LRFN5: variants seen among roughly 807,000 people sequenced by gnomAD.
LRFN5 encodes the protein leucine rich repeat and fibronectin type III domain containing 5.
Under a neutral mutation model 45.6 loss-of-function variants are expected in LRFN5, and 24 were observed. The ratio of observed to expected loss-of-function variants is 0.53; its 90% CI spans 0.38 to 0.74. The LOEUF (loss-of-function observed/expected upper bound fraction) is 0.74. LRFN5 is among the 30% of genes least tolerant of loss of function. The pLI is 0.00. For synonymous variants in LRFN5, 340 were observed against 313.8 expected, an observed-to-expected ratio of 1.08 and a Z score of -0.88; for missense variants, 776 against 861.5, an observed-to-expected ratio of 0.90 and a Z score of 1.24.
intron 1 of LRFN5, among the ~76,000 whole-genome samples, chr14:41,739,674 T>C (rs1199237374): frequency 6.7e-6 from 1 of 149,218 alleles, no homozygotes; most frequent in African/African-American, 2.5e-5. Context: ...AAAAACAAAC[T>C]AAGCACAAAC....
At chr14:41,869,865 G>C (rs940080508) in intron 2 of LRFN5, among the ~76,000 whole-genome samples, 15 of 152,066 alleles carry the variant, frequency 9.9e-5, no homozygotes, top group African/African-American at 3.6e-4. Flanking sequence ...GGGAATTGTG[G>C]GAGCTACAAT....
At chr14:41,671,290 T>C (rs529562278) in intron 1 of LRFN5, among the ~76,000 whole-genome samples, 2 of 152,230 alleles carry the variant, frequency 1.3e-5, no homozygotes, top group East Asian at 3.9e-4. Flanking sequence ...ATAATGTCAA[T>C]TGCAAACTAA....
Position 41,800,566 on chromosome 14 carries a change from CA to C in LRFN5, c.-21+33543del, listed in dbSNP as rs1399736315. ...CATTATTAGACAGTAGAGATATAGG[CA>C]AAAAACTCATTACTACTTTATTTAA... On this transcript the variant is annotated intron_variant, in intron 2 of 5. Transcript: ENST00000298119. Among the ~76,000 whole-genome samples, 8 of 151,290 alleles carry C rather than the reference CA, an allele frequency of 5.3e-5. No individual in the cohort carries two copies. The East Asian group carries it at 1.6e-3, about 29-fold the overall frequency.
chr14:41,792,519 A>AC, intron 2 of LRFN5, among the ~76,000 whole-genome samples: 2 of 151,260 alleles, frequency 1.3e-5, no homozygotes, highest in South Asian at 4.2e-4. Flanking sequence ...TTTATAGACC[A>AC]CCCCCCAGGA....
intron 1 of LRFN5, among the ~76,000 whole-genome samples, chr14:41,660,194 T>G (rs1880580712): frequency 6.6e-6 from 1 of 151,894 alleles, no homozygotes; most frequent in African/African-American, 2.4e-5. Flanking sequence ...CCCAGATAAT[T>G]TTTGTATTTT....
intron 2 of LRFN5, among the ~76,000 whole-genome samples, chr14:41,828,800 C>G (rs1351334748): frequency 6.6e-6 from 1 of 151,918 alleles, no homozygotes; most frequent in Non-Finnish European, 1.5e-5. Context: ...AAATTAACTA[C>G]TAGATCATTT....
At chr14:41,891,126 A>G (rs192388279) in intron 3 of LRFN5, 124 bp from the exon 4 acceptor site, 1 of 773,932 alleles carries the variant, frequency 1.3e-6, no homozygotes, top group Non-Finnish European at 2.1e-6. Flanking sequence ...TCATTTTTCA[A>G]TAATTCATAT....
At chr14:41,707,957 C>T (rs1883134531) in intron 1 of LRFN5, among the ~76,000 whole-genome samples, 1 of 151,996 alleles carries the variant, frequency 6.6e-6, no homozygotes, top group African/African-American at 2.4e-5. Context: ...TAAATACCTG[C>T]TAATGTCTAA....
intron 1 of LRFN5, among the ~76,000 whole-genome samples, chr14:41,712,105 C>T (rs760468134): frequency 2.0e-5 from 3 of 152,138 alleles, no homozygotes; most frequent in East Asian, 1.9e-4. Flanking sequence ...GAGGTAATAT[C>T]GGGGAATATG....
Position 41,608,254 on chromosome 14 carries a change from T to C in LRFN5, c.-505T>C, listed in dbSNP as rs1594543533. On this transcript the variant is annotated 5_prime_UTR_variant, in exon 1 of 6. Coordinates refer to ENST00000298119, the MANE Select transcript of LRFN5 (RefSeq NM_152447.5). Reference sequence around the variant, plus strand: ...GCGCCCGGGTGCGAGTGTGTGTGAGTGTGAGCGTGTGTCTGTGTGTGCGTG... The same window carrying C: ...GCGCCCGGGTGCGAGTGTGTGTGAGCGTGAGCGTGTGTCTGTGTGTGCGTG... 1 of 153,164 alleles carries C rather than the reference T, an allele frequency of 6.5e-6. No individual in the cohort carries two copies. Among genetic ancestry groups the C allele is most frequent in the Non-Finnish European group, 1.5e-5 (1 of 68,552 alleles). The allele number at this position is 153,164 out of a possible 1,614,324, so 9.5% of individuals were successfully genotyped here. A position where few individuals can be genotyped will look rare whatever the true frequency, so the allele number is the denominator to read the frequency against.
At position 41,704,408 on chromosome 14, in the gene LRFN5, TTC is replaced by T. The variant is rs141458106; in HGVS notation, c.-196-62406_-196-62405del. 4.1e-3 allele frequency among the ~76,000 whole-genome samples: 419 copies of T among 102,200 alleles called. 3 individuals carry two copies. The highest frequency in any genetic ancestry group is 0.019 in the South Asian group (49 of 2,576). 67.0% of individuals were successfully genotyped at this position (102,200 alleles called of 152,430 possible). On this transcript the variant is annotated intron_variant, in intron 1 of 5. Transcript: ENST00000298119. The stretch of plus-strand genomic sequence containing the variant: ...ATTTTCTAGACTTATTGTTATACTT[TTC>T]TCTCTCTCTCTCTCTCTCTCTCTCT...
At chr14:41,674,112 C>G (rs1881436086) in intron 1 of LRFN5, among the ~76,000 whole-genome samples, 1 of 145,600 alleles carries the variant, frequency 6.9e-6, no homozygotes, top group Non-Finnish European at 1.5e-5. Context: ...GGGTGGCTGG[C>G]CTGGCAGAGG....
At chr14:41,645,342 G>A (rs546289790) in intron 1 of LRFN5, among the ~76,000 whole-genome samples, 1 of 151,958 alleles carries the variant, frequency 6.6e-6, no homozygotes, top group Non-Finnish European at 1.5e-5. Context: ...TCAAGTGGTC[G>A]TCCTGCCTCA....
At chr14:41,672,198 A>G (rs762072206) in intron 1 of LRFN5, among the ~76,000 whole-genome samples, 1 of 152,212 alleles carries the variant, frequency 6.6e-6, no homozygotes, top group Non-Finnish European at 1.5e-5. Flanking sequence ...CACATGTAAC[A>G]TGCTTTAGAA....
intron 1 of LRFN5, among the ~76,000 whole-genome samples, chr14:41,673,784 TG>T (rs1459728752): frequency 7.0e-6 from 1 of 142,364 alleles, no homozygotes; most frequent in Non-Finnish European, 1.5e-5. Context: ...ACGGGGCGGC[TG>T]GCCGGGCGGG....
At chr14:41,696,654 C>T (rs1288701584) in intron 1 of LRFN5, among the ~76,000 whole-genome samples, 1 of 150,710 alleles carries the variant, frequency 6.6e-6, no homozygotes, top group Non-Finnish European at 1.5e-5. Flanking sequence ...TAACATTTTC[C>T]ACAATGGACT....
At chr14:41,704,531 G>A (rs182808195) in intron 1 of LRFN5, among the ~76,000 whole-genome samples, 1 of 151,414 alleles carries the variant, frequency 6.6e-6, no homozygotes, top group Non-Finnish European at 1.5e-5. Context: ...CAATCATAGT[G>A]TACCACAGTC....
chr14:41,717,924 C>T (rs1488530412), intron 1 of LRFN5, among the ~76,000 whole-genome samples: 1 of 152,076 alleles, frequency 6.6e-6, no homozygotes, highest in Non-Finnish European at 1.5e-5. Flanking sequence ...AAATCCTACA[C>T]CCATGGGCTG....
chr14:41,756,498 C>T (rs185655371), intron 1 of LRFN5, among the ~76,000 whole-genome samples: 150 of 152,018 alleles, frequency 9.9e-4, no homozygotes, highest in Admixed American at 3.7e-3. Context: ...CTTGTCTTCT[C>T]GCTTCATTTC....
Sources: gnomAD v4.1 joint callset for allele counts (sites outside exome capture counted in the v4.1 genomes callset) on GRCh38, gnomAD v4.1.1 for gene constraint, MANE v1.5 for transcripts, NCBI Gene and HGNC (gene_info 2026-07-23, HGNC 2026-07-21) for gene names.